The following PTPRD variants were observed in gnomAD, a reference collection of about 807,000 sequenced individuals.
The protein encoded by PTPRD is receptor-type tyrosine-protein phosphatase delta.
Under a neutral mutation model 214.5 loss-of-function variants are expected in PTPRD, and 34 were observed. That is an observed-to-expected ratio of 0.16 (90% confidence interval 0.12 to 0.21). The LOEUF is 0.21. PTPRD is among the 10% of genes least tolerant of loss of function. PTPRD has a pLI of 1.00. For missense variants in PTPRD, 2,545 were observed against 2,398.7 expected, an observed-to-expected ratio of 1.06 and a Z score of -1.27; for synonymous variants, 1,128 against 845.7, an observed-to-expected ratio of 1.33 and a Z score of -5.79.
At chr9:10,295,555 G>A (rs1302543781) in intron 3 of PTPRD, among the ~76,000 whole-genome samples, 1 of 152,040 alleles carries the variant, frequency 6.6e-6, no homozygotes, top group Non-Finnish European at 1.5e-5. Context: ...TGATTACACA[G>A]CATTCACATA....
intron 14 of PTPRD, among the ~76,000 whole-genome samples, chr9:8,560,770 G>C (rs537631186): frequency 6.6e-6 from 1 of 152,250 alleles, no homozygotes; most frequent in Admixed American, 6.5e-5. Flanking sequence ...AGCATAAAAT[G>C]TTCTTCACAA....
At chr9:8,911,047 A>G (rs995350406) in intron 11 of PTPRD, among the ~76,000 whole-genome samples, 1 of 152,338 alleles carries the variant, frequency 6.6e-6, no homozygotes, top group South Asian at 2.1e-4. Context: ...ATTCAACACA[A>G]TCTGAATCAA....
Position 9,744,846 on chromosome 9 carries a change from C to A in PTPRD, c.-325-10275G>T, listed in dbSNP as rs562974309. Among the ~76,000 whole-genome samples, 35 of 152,060 alleles carry A rather than the reference C, an allele frequency of 2.3e-4. No homozygotes were observed. In the East Asian group the frequency reaches 6.2e-3, roughly 27 times the overall value. Reference sequence around the variant, plus strand: ...CACAGCTTTTATGTGAGCCCTCCAGCAATTTTAATAATACCAACAATTTTA... The same window carrying A: ...CACAGCTTTTATGTGAGCCCTCCAGAAATTTTAATAATACCAACAATTTTA... On this transcript the variant is annotated intron_variant, in intron 6 of 45. Transcript: ENST00000381196.
chr9:9,989,870 C>A (rs1437886554), intron 4 of PTPRD, among the ~76,000 whole-genome samples: 2 of 152,196 alleles, frequency 1.3e-5, no homozygotes, highest in Admixed American at 1.3e-4. Flanking sequence ...CACCTGCTCA[C>A]CTGCATGCTC....
At chr9:8,643,573 G>C (rs1270740182) in intron 12 of PTPRD, among the ~76,000 whole-genome samples, 2 of 152,136 alleles carry the variant, frequency 1.3e-5, no homozygotes, top group Admixed American at 6.5e-5. Flanking sequence ...GGGAAGCGGG[G>C]AATAGGGGAC....
intron 10 of PTPRD, among the ~76,000 whole-genome samples, chr9:9,084,077 C>G (rs2099763228): frequency 6.6e-6 from 1 of 152,136 alleles, no homozygotes; most frequent in Admixed American, 6.5e-5. Context: ...GATTATAAAT[C>G]ATTCTACTAT....
intron 5 of PTPRD, among the ~76,000 whole-genome samples, chr9:9,827,768 G>C (rs548618699): frequency 1.3e-5 from 2 of 151,954 alleles, no homozygotes; most frequent in African/African-American, 4.8e-5. Flanking sequence ...TCTGACAAAG[G>C]GCTAATATCT....
At chr9:9,036,150 T>C (rs938832898) in intron 10 of PTPRD, among the ~76,000 whole-genome samples, 39 of 151,088 alleles carry the variant, frequency 2.6e-4, no homozygotes, top group African/African-American at 9.3e-4. Flanking sequence ...TCAATAATCA[T>C]AAATTCTTAT....
At chr9:8,680,579 C>G (rs181293599) in intron 12 of PTPRD, among the ~76,000 whole-genome samples, 1 of 152,088 alleles carries the variant, frequency 6.6e-6, no homozygotes, top group Non-Finnish European at 1.5e-5. Flanking sequence ...TATATACACA[C>G]AAACATAATG....
At chr9:9,854,337 A>G (rs2153672839) in intron 5 of PTPRD, among the ~76,000 whole-genome samples, 1 of 152,276 alleles carries the variant, frequency 6.6e-6, no homozygotes, top group East Asian at 1.9e-4. Context: ...ATTTGCCATA[A>G]TTAGAATTTA....
intron 10 of PTPRD, among the ~76,000 whole-genome samples, chr9:9,152,609 A>T (rs373604889): frequency 1.8e-3 from 274 of 152,340 alleles, no homozygotes; most frequent in African/African-American, 6.2e-3. Context: ...AGGTAGGGCT[A>T]TAAATGGTGC....
At chr9:8,500,682 T>G (rs2136934856) in intron 24 of PTPRD, 72 bp downstream of exon 24, 1 of 1,462,976 alleles carries the variant, frequency 6.8e-7, no homozygotes, top group South Asian at 1.3e-5. Flanking sequence ...AAGATTACTG[T>G]GAGCCTATTG....
At chr9:9,482,365 C>A (rs2095451740) in intron 8 of PTPRD, among the ~76,000 whole-genome samples, 1 of 152,116 alleles carries the variant, frequency 6.6e-6, no homozygotes, top group Admixed American at 6.6e-5. Context: ...AATATCTAGT[C>A]TTGTTTAAAA....
chr9:10,143,238 A>C (rs1003704668), intron 3 of PTPRD, among the ~76,000 whole-genome samples: 1 of 152,100 alleles, frequency 6.6e-6, no homozygotes, highest in African/African-American at 2.4e-5. Flanking sequence ...ACTAATCTGC[A>C]CATTGTGCAC....
chr9:9,769,490 T>C (rs1240883760), intron 5 of PTPRD, among the ~76,000 whole-genome samples: 1 of 151,848 alleles, frequency 6.6e-6, no homozygotes, highest in East Asian at 1.9e-4. Flanking sequence ...CACACCCGGC[T>C]AATTTTTTGT....
intron 3 of PTPRD, among the ~76,000 whole-genome samples, chr9:10,291,188 C>T (rs1336262182): frequency 1.3e-5 from 2 of 151,978 alleles, no homozygotes; most frequent in Admixed American, 6.6e-5. Flanking sequence ...TTTTCTCTTC[C>T]ACTGAACACT....
intron 11 of PTPRD, among the ~76,000 whole-genome samples, chr9:8,792,079 C>T (rs558236759): frequency 4.2e-4 from 64 of 152,198 alleles, no homozygotes; most frequent in African/African-American, 1.5e-3. Flanking sequence ...TGAAATAGTT[C>T]GTTTTTAGAC....
intron 5 of PTPRD, among the ~76,000 whole-genome samples, chr9:9,824,601 G>A (rs2052023890): frequency 1.3e-5 from 2 of 151,968 alleles, no homozygotes; most frequent in Non-Finnish European, 2.9e-5. Flanking sequence ...TTGTGAGTAT[G>A]AGACCTAGTC....
intron 9 of PTPRD, among the ~76,000 whole-genome samples, chr9:9,342,216 C>T (rs1248714872): frequency 6.6e-6 from 1 of 152,166 alleles, no homozygotes; most frequent in Non-Finnish European, 1.5e-5. Flanking sequence ...AAGTGATATT[C>T]AAGCAATACT....
Sources: gnomAD v4.1 joint callset for allele counts (sites outside exome capture counted in the v4.1 genomes callset) on GRCh38, gnomAD v4.1.1 for gene constraint, MANE v1.5 for transcripts, NCBI Gene and HGNC (gene_info 2026-07-23, HGNC 2026-07-21) for gene names.